AGXT2: variants seen among roughly 807,000 people sequenced by gnomAD.
AGXT2 encodes the protein alanine--glyoxylate aminotransferase 2, also known as alanine--glyoxylate aminotransferase 2, mitochondrial.
Under a neutral mutation model 62.5 loss-of-function variants are expected in AGXT2, and 61 were observed. That is an observed-to-expected ratio of 0.98 (90% CI 0.79 to 1.21). The LOEUF (loss-of-function observed/expected upper bound fraction) is 1.21. Ranked by LOEUF, AGXT2 falls within the 50% of genes most tolerant of loss-of-function variation. The probability of loss-of-function intolerance (pLI) is 0.00; values close to 1 mark genes in which losing one functional copy is unlikely to be tolerated. For synonymous variants in AGXT2, 243 were observed against 218.7 expected, an observed-to-expected ratio of 1.11 and a Z score of -0.98; for missense variants, 666 against 641.5, an observed-to-expected ratio of 1.04 and a Z score of -0.41.
rs66463119 is a variant in AGXT2, at chr5:35,042,736, CTGTGTGTGTGTGTGTG to C, written c.89-2089_89-2074del. ...TATGTGTATATATGCATATGCATAC[CTGTGTGTGTGTGTGTG>C]TGTGTGTGTGTGTGTGTGTGTAAGA... On this transcript the variant is annotated intron_variant, in intron 1 of 13. Coordinates refer to ENST00000231420, the MANE Select transcript of AGXT2 (RefSeq NM_031900.4). Among the ~76,000 whole-genome samples the C allele has an allele frequency of 2.2e-3, 309 of 142,486 alleles. 1 individual carries two copies. Among genetic ancestry groups the C allele is most frequent in the African/African-American group, 7.3e-3 (284 of 38,674 alleles). 93.5% of individuals were successfully genotyped at this position (142,486 alleles called of 152,430 possible). A position where few individuals can be genotyped will look rare whatever the true frequency, so the allele number is the denominator to read the frequency against.
chr5:35,010,055 A>G lies in AGXT2; in HGVS notation c.1283T>C (p.Val428Ala), dbSNP rs151278208. The G allele has an allele frequency of 1.1e-4, 174 of 1,614,144 alleles. No homozygotes were observed. Among genetic ancestry groups the G allele is most frequent in the Admixed American group, 3.8e-4 (23 of 60,008 alleles). ...FAKLRDEFEI[V>A]GDVRGKGLMI... ...GAGACCTTTGCCTCGGACGTCTCCA[A>G]CAATTTCAAATTCATCCCGCAGCTT... is the stretch of plus-strand genomic sequence containing the variant. The change falls in exon 12 of 14, where the codon GTT becomes GCT. Residue 428 changes from valine (V) to alanine (A), a missense_variant. Val to Ala is a moderately conservative substitution (Grantham distance 64). Coordinates refer to ENST00000231420, the MANE Select transcript of AGXT2 (RefSeq NM_031900.4).
intron 8 of AGXT2, 195 bp from the exon 9 acceptor site, chr5:35,026,050 G>A (rs1423318922): frequency 4.8e-6 from 3 of 622,814 alleles, no homozygotes; most frequent in East Asian, 2.8e-5. Context: ...GAAAAAAGAT[G>A]CAAACATTGA....
intron 7 of AGXT2, among the ~76,000 whole-genome samples, chr5:35,031,886 G>GT (rs34618446): frequency 0.25 from 30,263 of 119,044 alleles, 3,955 homozygotes; most frequent in South Asian, 0.36. Flanking sequence ...TTGATTTCTT[G>GT]TTTTTTTTTT....
At chr5:35,007,649 G>T (rs1766479123) in intron 12 of AGXT2, among the ~76,000 whole-genome samples, 1 of 152,174 alleles carries the variant, frequency 6.6e-6, no homozygotes, top group Non-Finnish European at 1.5e-5. Context: ...AAATCCAGGT[G>T]GTCTGCCCTT....
intron 9 of AGXT2, among the ~76,000 whole-genome samples, chr5:35,016,198 T>A (rs1223222326): frequency 6.6e-6 from 1 of 152,184 alleles, no homozygotes; most frequent in African/African-American, 2.4e-5. Flanking sequence ...ATGGCATAAA[T>A]GGTGAAAAAT....
intron 7 of AGXT2, chr5:35,027,086 T>C: frequency 1.2e-6 from 1 of 847,552 alleles, no homozygotes; most frequent in Non-Finnish European, 1.4e-6. Context: ...TGCTTGTTTT[T>C]AACAGGACTT....
intron 9 of AGXT2, among the ~76,000 whole-genome samples, chr5:35,024,443 G>A (rs981512116): frequency 4.6e-5 from 7 of 152,096 alleles, no homozygotes; most frequent in African/African-American, 1.7e-4. Flanking sequence ...TCTAATATGA[G>A]GTGTGATTAT....
rs533811891 is a variant in AGXT2 at position 35,028,055 on chromosome 5, G to A, written c.770-1545C>T. Among the ~76,000 whole-genome samples the A allele has an allele frequency of 3.3e-5, 5 of 151,654 alleles. No homozygotes were observed. The East Asian group carries it at 7.8e-4, about 24-fold the overall frequency. Reference sequence around the variant, plus strand: ...GTTTCCTATAAGATCCCTTACTTTGGCTGGGCCCTGGACTTCGTCATCTCT... The same window carrying A: ...GTTTCCTATAAGATCCCTTACTTTGACTGGGCCCTGGACTTCGTCATCTCT... On this transcript the variant is annotated intron_variant, in intron 7 of 13. Coordinates refer to ENST00000231420, the MANE Select transcript of AGXT2 (RefSeq NM_031900.4).
chr5:35,036,857 T>G (rs978113077), intron 4 of AGXT2, 85 bp downstream of exon 4: 1 of 1,598,928 alleles, frequency 6.3e-7, no homozygotes, highest in African/African-American at 1.3e-5. Context: ...CCTAGAATCA[T>G]AAGACTCCTG....
chr5:35,033,692 G>A (rs1439610772), intron 5 of AGXT2, 139 bp from the exon 6 acceptor site: 5 of 698,770 alleles, frequency 7.2e-6, no homozygotes, highest in Middle Eastern at 3.9e-4. Context: ...ACGCATCTAA[G>A]CTTATGTCGG....
At chr5:35,027,743 T>C (rs1767412862) in intron 7 of AGXT2, among the ~76,000 whole-genome samples, 1 of 151,276 alleles carries the variant, frequency 6.6e-6, no homozygotes, top group Non-Finnish European at 1.5e-5. Flanking sequence ...CCAGAGCCTA[T>C]CTGAGTTTGC....
chr5:35,035,811 T>C (rs995663979), intron 4 of AGXT2, among the ~76,000 whole-genome samples: 1 of 152,208 alleles, frequency 6.6e-6, no homozygotes, highest in East Asian at 1.9e-4. Flanking sequence ...GTGCGGTGGC[T>C]CACGCCTGTA....
chr5:35,042,850 G>T (rs1369078949), intron 1 of AGXT2, among the ~76,000 whole-genome samples: 1 of 151,738 alleles, frequency 6.6e-6, no homozygotes, highest in East Asian at 1.9e-4. Context: ...TTTCTGAATA[G>T]GTATTTGTTT....
At chr5:35,007,709 C>T (rs1459643034) in intron 12 of AGXT2, among the ~76,000 whole-genome samples, 1 of 152,084 alleles carries the variant, frequency 6.6e-6, no homozygotes, top group Non-Finnish European at 1.5e-5. Context: ...AAAAAGAGCC[C>T]CTTCTATAGA....
Position 35,019,575 on chromosome 5 carries a change from G to T in AGXT2, c.964-5456C>A, listed in dbSNP as rs536786798. Among the ~76,000 whole-genome samples, 28 of 152,330 alleles carry T rather than the reference G, an allele frequency of 1.8e-4. 1 individual carries two copies. The South Asian group carries it at 5.4e-3, about 29-fold the overall frequency. On this transcript the variant is annotated intron_variant, in intron 9 of 13. Coordinates refer to ENST00000231420, the MANE Select transcript of AGXT2 (RefSeq NM_031900.4). ...GAATCTCTGGGACGCATTCAAAGCA[G>T]TGTGTAGAGGGAAACTTATAGCACT...
At chr5:35,044,922 A>G (rs1370232295) in intron 1 of AGXT2, among the ~76,000 whole-genome samples, 1 of 152,210 alleles carries the variant, frequency 6.6e-6, no homozygotes, top group Non-Finnish European at 1.5e-5. Flanking sequence ...TTTTCTTAAA[A>G]TAGGCTTGGC....
At chr5:35,022,127 G>A (rs563958709) in intron 9 of AGXT2, among the ~76,000 whole-genome samples, 8 of 152,158 alleles carry the variant, frequency 5.3e-5, no homozygotes, top group African/African-American at 1.4e-4. Context: ...CTGTTGGTGG[G>A]ACTGTAAACT....
Position 35,025,765 on chromosome 5 carries a change from C to A in AGXT2, c.961G>T (p.Glu321Ter), listed in dbSNP as rs1455883443. The change falls in exon 9 of 14, where the codon GAA (glutamate) becomes TAA (stop). Residue 321 changes from glutamate (E) to a stop codon, truncating the protein, a stop_gained and splice_region_variant. Coordinates refer to ENST00000231420, the MANE Select transcript of AGXT2 (RefSeq NM_031900.4). LOFTEE classifies it high-confidence loss of function. ...TGGCACCCTTACATGCCACTTACTTCATCTGCAATGCACACGCCTCCCCTT... is the reference window on the plus strand; with the variant it reads ...TGGCACCCTTACATGCCACTTACTTAATCTGCAATGCACACGCCTCCCCTT... The part of the protein sequence containing the change: ...RARGGVCIAD[E>*]VQTGFGRLGS... 4 of 1,614,130 alleles carry A rather than the reference C, an allele frequency of 2.5e-6. No homozygotes were observed. The highest frequency in any genetic ancestry group is 3.3e-4 in the Middle Eastern group (2 of 6,062).
In AGXT2 at chr5:35,022,489, C is replaced by T. The variant is rs1307644708; in HGVS notation, c.963+3274G>A. Among the ~76,000 whole-genome samples, 25 of 148,262 alleles carry T rather than the reference C, an allele frequency of 1.7e-4. 1 individual carries two copies. In the South Asian group the frequency reaches 2.3e-3, roughly 14 times the overall value. On this transcript the variant is annotated intron_variant, in intron 9 of 13. Transcript: ENST00000231420. Reference sequence around the variant, plus strand: ...ATCGCAAGAACAAAAAACCAAGCACCGCATATTCTCACTCATAGGTGGGAA... The same window carrying T: ...ATCGCAAGAACAAAAAACCAAGCACTGCATATTCTCACTCATAGGTGGGAA...
Sources: allele counts gnomAD v4.1 joint callset (sites outside exome capture counted in the v4.1 genomes callset), GRCh38; gene constraint gnomAD v4.1.1; transcripts MANE v1.5; gene names NCBI Gene and HGNC (gene_info 2026-07-23, HGNC 2026-07-21).